Variants in SLF2 observed in about 807,000 individuals in gnomAD.
SLF2 encodes the protein SMC5/6 complex localization factor 2.
In SLF2, 68 loss-of-function variants were observed where a neutral mutation model predicts 124.3. The ratio of observed to expected loss-of-function variants is 0.55; its 90% confidence interval spans 0.45 to 0.67. The LOEUF (loss-of-function observed/expected upper bound fraction) is 0.67. Among genes scored for constraint, SLF2 ranks in the 30% least tolerant of loss-of-function variants. The pLI, the probability that SLF2 is intolerant of heterozygous loss-of-function variation, is 0.00. For synonymous variants in SLF2, 480 were observed against 478.8 expected, an observed-to-expected ratio of 1.00 and a Z score of -0.03; for missense variants, 1,246 against 1,373.7, an observed-to-expected ratio of 0.91 and a Z score of 1.47.
At chr10:100,960,998 CTTTTTTTTTTTTT>C (rs59983480) in intron 19 of SLF2, among the ~76,000 whole-genome samples, 4 of 61,364 alleles carry the variant, frequency 6.5e-5, no homozygotes, top group African/African-American at 1.3e-4. Flanking sequence ...TTCTGTACTT[CTTTTTTTTTTTTT>C]TTTTTTTTTT....
At position 100,945,371 on chromosome 10, in the gene SLF2, G is replaced by A. The variant is rs1438702178; in HGVS notation, c.2799G>A (p.Gln933=). 1.2e-6 allele frequency: 2 copies of A among 1,600,884 alleles called. No homozygotes were observed. Among genetic ancestry groups the A allele is most frequent in the South Asian group, 1.1e-5 (1 of 87,334 alleles). Residue 933 remains glutamine, a synonymous_variant, in exon 13 of 20, where the codon CAG becomes CAA. Transcript: ENST00000238961. ...LCTSIHPEGY[Q]DREIMLLILM... The stretch of plus-strand genomic sequence containing the variant: ...CATCTATACATCCAGAAGGTTACCA[G>A]GATCGTGAAATAATGTTGCTGATTT...
intron 18 of SLF2, 60 bp from the exon 19 acceptor site, chr10:100,959,368 G>A: frequency 6.7e-7 from 1 of 1,501,702 alleles, no homozygotes; most frequent in Non-Finnish European, 9.0e-7. Flanking sequence ...GTAGTGTTAA[G>A]CTGATTGTAG....
At chr10:100,913,782 C>G (rs1432465936) in intron 1 of SLF2, 1 of 985,834 alleles carries the variant, frequency 1.0e-6, no homozygotes, top group Non-Finnish European at 1.2e-6. Flanking sequence ...TCACGCCTCT[C>G]CAAGAGGCTA....
chr10:100,965,115 C>G lies in SLF2; in HGVS notation c.*3203C>G, dbSNP rs1466144100. 1 of 149,834 alleles carries G rather than the reference C, an allele frequency of 6.7e-6. No individual in the cohort carries two copies. The highest frequency in any genetic ancestry group is 1.5e-5 in the Non-Finnish European group (1 of 67,644). 9.3% of individuals were successfully genotyped at this position (149,834 alleles called of 1,614,324 possible). On this transcript the variant is annotated 3_prime_UTR_variant, in exon 20 of 20. Coordinates refer to ENST00000238961, the MANE Select transcript of SLF2 (RefSeq NM_018121.4). The surrounding 1 kb of genome is among the most constrained non-coding windows in gnomAD (Gnocchi z 4.1). ...TGTGTGTGTGTGTGTGCTATTAAAA[C>G]TGCTTTTTCTCAGTTTGAACATGTG...
At chr10:100,945,608 G>T in intron 13 of SLF2, 102 bp downstream of exon 13, 1 of 923,458 alleles carries the variant, frequency 1.1e-6, no homozygotes, top group Non-Finnish European at 1.5e-6. Context: ...AAGATCTTTG[G>T]CGGATTAAAA....
chr10:100,960,998 CTTTTTTTT>C (rs59983480), intron 19 of SLF2, among the ~76,000 whole-genome samples: 54 of 61,404 alleles, frequency 8.8e-4, no homozygotes, highest in African/African-American at 1.8e-3. Flanking sequence ...TTCTGTACTT[CTTTTTTTT>C]TTTTTTTTTT....
chr10:100,944,236 C>G (rs1163518868), intron 12 of SLF2, 108 bp downstream of exon 12: 1 of 632,062 alleles, frequency 1.6e-6, no homozygotes, highest in East Asian at 3.3e-5. Context: ...TGGCTCACGC[C>G]TGTAATCCCA....
In SLF2 at chr10:100,959,489, C is replaced by G. The variant is rs1467850589; in HGVS notation, c.3479C>G (p.Pro1160Arg). 3 of 1,613,174 alleles carry G rather than the reference C, an allele frequency of 1.9e-6. No homozygotes were observed. Among genetic ancestry groups the G allele is most frequent in the South Asian group, 2.2e-5 (2 of 90,840 alleles). ...CAGGAAATAATCCAGAACTGTCGGCCTACTCAGGTGTCATTTTGTTATACA... is the reference window on the plus strand; with the variant it reads ...CAGGAAATAATCCAGAACTGTCGGCGTACTCAGGTGTCATTTTGTTATACA... ...KWQEIIQNCR[P>R]TQGQLHDFWV... is the part of the protein sequence containing the mutation. The change falls in exon 19 of 20, where the codon CCT becomes CGT. Residue 1160 changes from proline to arginine, a missense_variant. Physicochemically the swap from Pro to Arg is moderately radical, Grantham distance 103 (BLOSUM62 -2). Coordinates refer to ENST00000238961, the MANE Select transcript of SLF2 (RefSeq NM_018121.4).
At chr10:100,919,664 T>C (rs1849491057) in intron 4 of SLF2, among the ~76,000 whole-genome samples, 1 of 152,208 alleles carries the variant, frequency 6.6e-6, no homozygotes, top group Non-Finnish European at 1.5e-5. Context: ...GTCTAGTGTA[T>C]CCGATTTTTT....
chr10:100,953,762 C>T (rs1428958996), intron 17 of SLF2, among the ~76,000 whole-genome samples: 1 of 152,056 alleles, frequency 6.6e-6, no homozygotes, highest in Non-Finnish European at 1.5e-5. Context: ...AAGTGATTCT[C>T]CTGCCTCAGC....
intron 1 of SLF2, among the ~76,000 whole-genome samples, chr10:100,914,388 A>T (rs974862821): frequency 6.6e-6 from 1 of 152,158 alleles, no homozygotes; most frequent in African/African-American, 2.4e-5. Flanking sequence ...TACCTCTTGA[A>T]AGTTACATTC....
intron 11 of SLF2, among the ~76,000 whole-genome samples, chr10:100,940,014 A>G (rs764118889): frequency 5.3e-5 from 8 of 152,154 alleles, no homozygotes; most frequent in Non-Finnish European, 7.3e-5. Flanking sequence ...AATCCCAACT[A>G]TTTCCCCTAA....
In SLF2 at chr10:100,953,585, C is replaced by T. The variant is rs866147820; in HGVS notation, c.3330+2832C>T. Among the ~76,000 whole-genome samples, 6 of 151,988 alleles carry T rather than the reference C, an allele frequency of 3.9e-5. 1 individual carries two copies. The highest frequency in any genetic ancestry group is 5.9e-5 in the Non-Finnish European group (4 of 67,980). On this transcript the variant is annotated intron_variant, in intron 17 of 19. Coordinates refer to ENST00000238961, the MANE Select transcript of SLF2 (RefSeq NM_018121.4). ...TTACTAATATATTACATATAATATACTAACAATTATTTTAACAAAAATGTA... is the reference window on the plus strand; with the variant it reads ...TTACTAATATATTACATATAATATATTAACAATTATTTTAACAAAAATGTA...
chr10:100,915,958 A>C (rs1316167468), intron 1 of SLF2, 41 bp from the exon 2 acceptor site: 1 of 1,452,082 alleles, frequency 6.9e-7, no homozygotes, highest in Non-Finnish European at 9.6e-7. Context: ...GAAGGTTTTA[A>C]TATTTGCTTA....
chr10:100,922,977 T>C (rs922373287), intron 4 of SLF2, among the ~76,000 whole-genome samples: 26 of 152,126 alleles, frequency 1.7e-4, no homozygotes, highest in Non-Finnish European at 3.5e-4. Flanking sequence ...GGTTTCACCA[T>C]GTTGGCCAGG....
At chr10:100,913,332 G>A in intron 1 of SLF2, 82 bp downstream of exon 1, 14 of 1,384,614 alleles carry the variant, frequency 1.0e-5, no homozygotes, top group Non-Finnish European at 1.3e-5. Flanking sequence ...CGCTCTTCCA[G>A]TTCCCGCCAT....
intron 18 of SLF2, among the ~76,000 whole-genome samples, chr10:100,957,003 G>A (rs539016927): frequency 2.0e-5 from 3 of 152,210 alleles, no homozygotes; most frequent in South Asian, 4.1e-4. Context: ...CTAAATTAGT[G>A]TAGCTAAATT....
chr10:100,948,005 C>T (rs995893016), intron 15 of SLF2, among the ~76,000 whole-genome samples, 158 bp downstream of exon 15: 2 of 152,150 alleles, frequency 1.3e-5, no homozygotes, highest in Non-Finnish European at 2.9e-5. Context: ...TAACAAGATC[C>T]AATTTTTTCA....
intron 3 of SLF2, 149 bp downstream of exon 3, chr10:100,917,449 T>C: frequency 1.1e-6 from 1 of 901,430 alleles, no homozygotes; most frequent in East Asian, 2.9e-5. Context: ...CTGGTTTCAT[T>C]ACATTTCCTC....
Sources: allele counts gnomAD v4.1 joint callset (sites outside exome capture counted in the v4.1 genomes callset), GRCh38; gene constraint gnomAD v4.1.1; non-coding constraint Gnocchi (gnomAD v3.1); transcripts MANE v1.5; gene names NCBI Gene and HGNC (gene_info 2026-07-23, HGNC 2026-07-21).